The following RYR2 variants were observed in gnomAD, a reference collection of about 807,000 sequenced individuals.
RYR2 encodes ryanodine receptor 2, also known as cardiac muscle ryanodine receptor-calcium release channel.
Under a neutral mutation model 601.1 loss-of-function variants are expected in RYR2, and 227 were observed. The ratio of observed to expected loss-of-function variants is 0.38; its 90% CI spans 0.34 to 0.42. RYR2 has a LOEUF of 0.42. Ranked by LOEUF, RYR2 falls within the 10% of genes least tolerant of loss-of-function variation. The pLI is 1.00. For synonymous variants in RYR2, 2,223 were observed against 2,175.1 expected (o/e 1.02, Z -0.61); for missense variants, 4,646 against 6,156.5 (o/e 0.75, Z 8.21).
intron 1 of RYR2, among the ~76,000 whole-genome samples, chr1:237,134,358 A>G (rs1157163285): frequency 6.6e-6 from 1 of 152,200 alleles, no homozygotes; most frequent in Non-Finnish European, 1.5e-5. Flanking sequence ...TTACAAAGGA[A>G]AGAGGTTTAA....
chr1:237,063,604 ACTCT>A (rs113420369), intron 1 of RYR2, among the ~76,000 whole-genome samples: 9 of 148,700 alleles, frequency 6.1e-5, no homozygotes, highest in African/African-American at 1.2e-4. Flanking sequence ...ACACATACAC[ACTCT>A]CTCTCTCTCT....
At chr1:237,580,951 C>G (rs67128406) in intron 29 of RYR2, among the ~76,000 whole-genome samples, 29,715 of 152,118 alleles carry the variant, frequency 0.2, 3,337 homozygotes, top group East Asian at 0.48. Flanking sequence ...TGAGATCACA[C>G]ATTTCTGTGG....
At chr1:237,524,755 TAGAG>T (rs1466570174) in intron 24 of RYR2, among the ~76,000 whole-genome samples, 8 of 151,942 alleles carry the variant, frequency 5.3e-5, no homozygotes, top group Non-Finnish European at 8.8e-5. Context: ...CAGATATATA[TAGAG>T]AGAGATTCCT....
At chr1:237,173,041 GGTT>G (rs1572092946) in intron 1 of RYR2, among the ~76,000 whole-genome samples, 2 of 152,086 alleles carry the variant, frequency 1.3e-5, no homozygotes, top group Non-Finnish European at 2.9e-5. Flanking sequence ...TAACTGTTAA[GGTT>G]GTTATTATTA....
chr1:237,582,923 G>GATATATATATATATATATAT (rs71180101), intron 29 of RYR2, among the ~76,000 whole-genome samples: 6 of 133,132 alleles, frequency 4.5e-5, no homozygotes, highest in Non-Finnish European at 9.6e-5. Flanking sequence ...TTTTCTTTTG[G>GATATATATATATATATATAT]ATATATATAT....
At chr1:237,493,584 C>G (rs887707753) in intron 19 of RYR2, among the ~76,000 whole-genome samples, 5 of 152,136 alleles carry the variant, frequency 3.3e-5, no homozygotes, top group African/African-American at 1.2e-4. Flanking sequence ...TCCCGAGTAG[C>G]TGGGACTACA....
At chr1:237,429,856 G>A (rs1706608225) in intron 12 of RYR2, among the ~76,000 whole-genome samples, 1 of 152,010 alleles carries the variant, frequency 6.6e-6, no homozygotes, top group Non-Finnish European at 1.5e-5. Context: ...ATACGTGCAA[G>A]TTAATTTCAT....
At chr1:237,331,714 C>T (rs1431516141) in intron 3 of RYR2, among the ~76,000 whole-genome samples, 3 of 151,244 alleles carry the variant, frequency 2.0e-5, no homozygotes, top group Non-Finnish European at 2.9e-5. Flanking sequence ...CGGGGTTTCA[C>T]CATGTTGGCC....
At chr1:237,824,297 A>C (rs976546053) in intron 101 of RYR2, among the ~76,000 whole-genome samples, 28 of 152,192 alleles carry the variant, frequency 1.8e-4, no homozygotes, top group Non-Finnish European at 2.9e-5. Flanking sequence ...TGGCAAACCA[A>C]ATCCAGCAGC....
intron 80 of RYR2, 123 bp downstream of exon 80, chr1:237,742,472 A>G (rs1023967060): frequency 3.3e-5 from 25 of 747,294 alleles, no homozygotes; most frequent in Non-Finnish European, 5.4e-5. Context: ...AAGGAACTGC[A>G]TGTCAGAGCT....
intron 1 of RYR2, among the ~76,000 whole-genome samples, chr1:237,182,021 C>T (rs2485603): frequency 0.76 from 115,204 of 152,078 alleles, 47,151 homozygotes; most frequent in Non-Finnish European, 0.9. Flanking sequence ...CTTACATTTC[C>T]TTTTAAACTA....
intron 14 of RYR2, among the ~76,000 whole-genome samples, chr1:237,450,317 G>A (rs1266102862): frequency 1.3e-5 from 2 of 152,048 alleles, no homozygotes; most frequent in Admixed American, 1.3e-4. Context: ...TCTCCTGGAT[G>A]CTCAGCAATA....
chr1:237,385,047 GC>G (rs1701856195), intron 8 of RYR2, among the ~76,000 whole-genome samples: 2 of 151,908 alleles, frequency 1.3e-5, no homozygotes, highest in Admixed American at 6.6e-5. Flanking sequence ...CTGCCACCAT[GC>G]CTGGCTAATT....
At chr1:237,796,996 G>A (rs1183894927) in intron 96 of RYR2, among the ~76,000 whole-genome samples, 3 of 152,002 alleles carry the variant, frequency 2.0e-5, no homozygotes, top group African/African-American at 7.3e-5. Flanking sequence ...TGTTGGCCAA[G>A]CTGTCTCGAA....
intron 1 of RYR2, among the ~76,000 whole-genome samples, chr1:237,082,558 A>ATATATATATATATAT (rs1558200818): frequency 9.5e-4 from 23 of 24,158 alleles, no homozygotes; most frequent in African/African-American, 1.3e-3. Flanking sequence ...TATATATATA[A>ATATATATATATATAT]AATCGGATAT....
Position 237,640,966 on chromosome 1 carries a change from G to A in RYR2, c.7185G>A (p.Leu2395=), listed in dbSNP as rs769210153. 25 of 1,613,256 alleles carry A rather than the reference G, an allele frequency of 1.5e-5. No homozygotes were observed. Among genetic ancestry groups the A allele is most frequent in the Non-Finnish European group, 1.8e-5 (21 of 1,179,632 alleles). ...CGATCATGACCTTCTATTCAGCTTT[G>A]ATTGACCTCTTGGGACGCTGTGCTC... ...GNAIMTFYSA[L]IDLLGRCAPE... is the part of the protein sequence containing the mutation. Residue 2395 remains leucine (L), a synonymous_variant, in exon 47 of 105, where the codon TTG becomes TTA. Transcript: ENST00000366574.
intron 34 of RYR2, 92 bp from the exon 35 acceptor site, chr1:237,601,933 C>T: frequency 9.9e-7 from 1 of 1,005,896 alleles, no homozygotes; most frequent in Non-Finnish European, 1.5e-6. Context: ...TGGGCTCCTT[C>T]TGTAAAGTAT....
rs758951316 is a variant in RYR2 at position 237,540,366 on chromosome 1, A to T, written c.2907-8065A>T. Among the ~76,000 whole-genome samples, 6 of 152,198 alleles carry T rather than the reference A, an allele frequency of 3.9e-5. No individual in the cohort carries two copies. In the East Asian group the frequency reaches 1.2e-3, roughly 29 times the overall value. On this transcript the variant is annotated intron_variant, in intron 25 of 104. Transcript: ENST00000366574. ...AACTTTCATTTAGCACTTATCTATT[A>T]TGAAATCAACACAAAACACAGTAAC...
intron 1 of RYR2, among the ~76,000 whole-genome samples, chr1:237,063,238 C>T (rs1663105851): frequency 6.6e-6 from 1 of 152,210 alleles, no homozygotes; most frequent in African/African-American, 2.4e-5. Flanking sequence ...CTCACACTTC[C>T]CAGCCTCCAG....
Sources: allele counts gnomAD v4.1 joint callset (sites outside exome capture counted in the v4.1 genomes callset), GRCh38; gene constraint gnomAD v4.1.1; transcripts MANE v1.5; gene names NCBI Gene and HGNC (gene_info 2026-07-23, HGNC 2026-07-21).